The following DMD variants were observed in gnomAD, a reference collection of about 807,000 sequenced individuals.
DMD encodes the protein dystrophin, also known as mutant dystrophin.
DMD carries 63 observed loss-of-function variants against 330.1 expected under a neutral mutation model. The ratio of observed to expected loss-of-function variants is 0.19; its 90% CI spans 0.16 to 0.24. DMD has a LOEUF of 0.24. Ranked by LOEUF, DMD falls within the 10% of genes least tolerant of loss-of-function variation. The pLI, the probability that DMD is intolerant of heterozygous loss-of-function variation, is 1.00. For missense variants in DMD, 3,344 were observed against 2,684.1 expected (o/e 1.25, Z -5.43); for synonymous variants, 1,223 against 959.8 (o/e 1.27, Z -5.07).
intron 55 of DMD, among the ~76,000 whole-genome samples, chrX:31,508,940 T>C (rs1408547788): frequency 2.7e-5 from 3 of 111,582 alleles, no homozygotes; most frequent in Admixed American, 1.9e-4. Context: ...ACAAGTAAGG[T>C]AGACAGACAA....
chrX:31,898,980 CT>C (rs2094386679), intron 47 of DMD, among the ~76,000 whole-genome samples: 1 of 112,128 alleles, frequency 8.9e-6, no homozygotes, highest in South Asian at 3.7e-4. Flanking sequence ...CTTTAGAATA[CT>C]GTCTGCTTAA....
At chrX:31,224,722 C>A (rs773676837) in intron 63 of DMD, among the ~76,000 whole-genome samples, 2 of 112,005 alleles carry the variant, frequency 1.8e-5, no homozygotes, top group Non-Finnish European at 3.8e-5. Flanking sequence ...TCATAATAGT[C>A]AAAAACCGGA....
At chrX:32,928,485 TTTTTTAAATTA>T (rs1468848676) in intron 2 of DMD, among the ~76,000 whole-genome samples, 22 of 111,567 alleles carry the variant, frequency 2.0e-4, no homozygotes, top group South Asian at 7.4e-4. Flanking sequence ...GTATGTGTGA[TTTTTTAAATTA>T]TCATTAACAA....
chrX:32,249,200 CACA>C (rs1285107898), intron 43 of DMD, among the ~76,000 whole-genome samples: 1 of 111,701 alleles, frequency 9.0e-6, no homozygotes, highest in Admixed American at 9.6e-5. Flanking sequence ...TAAATGTGAA[CACA>C]ACAGTAAAAC....
At chrX:31,483,273 C>G (rs1395057384) in intron 57 of DMD, among the ~76,000 whole-genome samples, 6 of 109,706 alleles carry the variant, frequency 5.5e-5, no homozygotes, top group African/African-American at 2.0e-4. Context: ...GTCTCCATCT[C>G]CCAACCTCGT....
At chrX:32,036,693 A>C (rs1412482653) in intron 44 of DMD, among the ~76,000 whole-genome samples, 1 of 111,714 alleles carries the variant, frequency 9.0e-6, no homozygotes, top group East Asian at 2.8e-4. Context: ...CTTAAGGGTC[A>C]TCAACATAAG....
At position 32,699,197 on chromosome X, in the gene DMD, T is replaced by C. The variant is rs1212242832; in HGVS notation, c.746A>G (p.Gln249Arg). The C allele has an allele frequency of 2.5e-6, 3 of 1,209,678 alleles. No individual in the cohort carries two copies. In the Admixed American group the frequency reaches 6.5e-5, roughly 26 times the overall value. ...LPQQVSIEAI[Q>R]EVEMLPRPPK... ...TGGCCTTGGCAACATTTCCACTTCC[T>C]GGATGGCTTCAATGCTCACTTGTTG... Residue 249 changes from glutamine (Q) to arginine (R), a missense_variant, in exon 8 of 79, where the codon CAG becomes CGG. Transcript: ENST00000357033.
intron 1 of DMD, among the ~76,000 whole-genome samples, chrX:33,096,771 G>T (rs1275546956): frequency 8.9e-6 from 1 of 112,454 alleles, no homozygotes. Flanking sequence ...CTCCCAAAGT[G>T]CTGGGATTAT....
At chrX:31,907,535 C>T (rs1028609752) in intron 47 of DMD, among the ~76,000 whole-genome samples, 1 of 111,805 alleles carries the variant, frequency 8.9e-6, no homozygotes, top group Non-Finnish European at 1.9e-5. Flanking sequence ...AACTGGATCC[C>T]TTCCTTACAC....
Position 31,984,827 on chromosome X carries a change from A to G in DMD, c.6439-16313T>C, listed in dbSNP as rs753500965. ...ATATAAACATGTGGCATCCTTCTCT[A>G]TAAAAACACAAGGTTGAATGGGGCT... On this transcript the variant is annotated intron_variant, in intron 44 of 78. Coordinates refer to ENST00000357033, the MANE Select transcript of DMD (RefSeq NM_004006.3). Among the ~76,000 whole-genome samples, 5 of 112,309 alleles carry G rather than the reference A, an allele frequency of 4.5e-5. No homozygotes were observed. In the South Asian group the frequency reaches 1.8e-3, roughly 41 times the overall value.
chrX:31,890,896 A>G (rs1291340307), intron 47 of DMD, among the ~76,000 whole-genome samples: 1 of 111,991 alleles, frequency 8.9e-6, no homozygotes, highest in Non-Finnish European at 1.9e-5. Flanking sequence ...AAACATATAA[A>G]TATAAAAAAA....
intron 2 of DMD, among the ~76,000 whole-genome samples, chrX:32,971,922 G>A (rs7887832): frequency 0.071 from 7,844 of 110,788 alleles, 490 homozygotes; most frequent in African/African-American, 0.2. Flanking sequence ...TACAGGTTCA[G>A]GGGAGAAAAG....
chrX:32,765,652 G>A (rs1051904454), intron 7 of DMD, among the ~76,000 whole-genome samples: 6 of 111,070 alleles, frequency 5.4e-5, no homozygotes, highest in Non-Finnish European at 3.8e-5. Context: ...CTCCCATTCC[G>A]TAAGTTGCCT....
Position 33,009,205 on chromosome X carries a change from T to C in DMD, c.93+10934A>G, listed in dbSNP as rs1393347770. Among the ~76,000 whole-genome samples, 6 of 56,018 alleles carry C rather than the reference T, an allele frequency of 1.1e-4. 1 individual carries two copies. The highest frequency in any genetic ancestry group is 1.3e-4 in the Non-Finnish European group (4 of 30,157). The allele number at this position is 56,018 out of a possible 115,157, so 48.6% of individuals were successfully genotyped here. On this transcript the variant is annotated intron_variant, in intron 2 of 78. Transcript: ENST00000357033. ...ATACGTATATATGTATATATGTGTA[T>C]ATATACACATATGTGCATATATGTG... is the stretch of plus-strand genomic sequence containing the variant.
chrX:31,525,780 G>A (rs971096850), intron 55 of DMD, among the ~76,000 whole-genome samples: 8 of 112,426 alleles, frequency 7.1e-5, no homozygotes, highest in African/African-American at 1.9e-4. Context: ...GAAATGCTAC[G>A]TTCAATCTGT....
intron 47 of DMD, among the ~76,000 whole-genome samples, chrX:31,907,498 A>T (rs2094492101): frequency 8.9e-6 from 1 of 112,012 alleles, no homozygotes; most frequent in South Asian, 3.7e-4. Context: ...TGCTGGGAAA[A>T]CTGGCTAGCC....
chrX:33,296,484 C>G (rs2053586078), intron 1 of DMD, among the ~76,000 whole-genome samples: 1 of 110,129 alleles, frequency 9.1e-6, no homozygotes, highest in African/African-American at 3.3e-5. Flanking sequence ...AGAGGTTTTT[C>G]AATATAATAT....
At chrX:32,354,274 T>C in intron 37 of DMD, among the ~76,000 whole-genome samples, 1 of 111,789 alleles carries the variant, frequency 8.9e-6, no homozygotes, top group East Asian at 2.8e-4. Flanking sequence ...GGTTTAAAAT[T>C]GCTTCAAATC....
At chrX:32,223,959 A>T (rs775687925) in intron 43 of DMD, among the ~76,000 whole-genome samples, 1 of 111,776 alleles carries the variant, frequency 8.9e-6, no homozygotes, top group Admixed American at 9.6e-5. Context: ...TAAAAATGCC[A>T]TCCAGGTCAA....
Sources: gnomAD v4.1 joint callset for allele counts (sites outside exome capture counted in the v4.1 genomes callset) on GRCh38, gnomAD v4.1.1 for gene constraint, MANE v1.5 for transcripts, NCBI Gene and HGNC (gene_info 2026-07-23, HGNC 2026-07-21) for gene names.